NIM1K: variants seen among roughly 807,000 people sequenced by gnomAD.
The protein encoded by NIM1K is NIM1 serine/threonine protein kinase, also known as serine/threonine-protein kinase NIM1.
A neutral mutation model predicts 37.1 loss-of-function variants in NIM1K; 35 were observed. The observed-to-expected ratio is 0.94, with a 90% confidence interval of 0.72 to 1.25. The LOEUF is 1.25. NIM1K is among the 50% of genes most tolerant of loss of function. The pLI, the probability that NIM1K is intolerant of heterozygous loss-of-function variation, is 0.00. For missense variants in NIM1K, 564 were observed against 548.0 expected (o/e 1.03, Z -0.29); for synonymous variants, 234 against 206.6 (o/e 1.13, Z -1.14).
intron 1 of NIM1K, among the ~76,000 whole-genome samples, chr5:43,222,878 C>T (rs1019993292): frequency 4.5e-4 from 69 of 152,122 alleles, no homozygotes; most frequent in Non-Finnish European, 1.3e-4. Flanking sequence ...CAGTGGCTCA[C>T]GCCTGTAATC....
intron 3 of NIM1K, 102 bp downstream of exon 3, chr5:43,277,427 C>A: frequency 7.8e-7 from 1 of 1,277,360 alleles, no homozygotes; most frequent in South Asian, 1.4e-5. Context: ...GGGCTTTTGT[C>A]CTACAAAGCA....
Position 43,245,833 on chromosome 5 carries a change from G to T in NIM1K, c.58G>T (p.Asp20Tyr). Reference protein sequence around the residue: ...GLVNPHYARWDRRDSVESGCQ... With the variant: ...GLVNPHYARWYRRDSVESGCQ... ...GGTGAACCCCCACTATGCCCGGTGG[G>T]ATCGGCGCGACAGTGTAGAAAGTGG... The change falls in exon 2 of 4, where the codon GAT (aspartate) becomes TAT (tyrosine). Residue 20 changes from aspartate to tyrosine, a missense_variant. Coordinates refer to ENST00000326035, the MANE Select transcript of NIM1K (RefSeq NM_153361.4). 1 of 1,613,756 alleles carries T rather than the reference G, an allele frequency of 6.2e-7. No individual in the cohort carries two copies. Among genetic ancestry groups the T allele is most frequent in the Non-Finnish European group, 8.5e-7 (1 of 1,179,774 alleles).
At chr5:43,203,863 T>C (rs1752069104) in intron 1 of NIM1K, among the ~76,000 whole-genome samples, 1 of 151,712 alleles carries the variant, frequency 6.6e-6, no homozygotes, top group South Asian at 2.1e-4. Flanking sequence ...CCGTCTCTAC[T>C]AGAAATACAA....
chr5:43,220,781 A>G (rs1490969920), intron 1 of NIM1K, among the ~76,000 whole-genome samples: 1 of 152,150 alleles, frequency 6.6e-6, no homozygotes, highest in East Asian at 1.9e-4. Context: ...TGTTATGTGT[A>G]TTACATCTGT....
intron 1 of NIM1K, among the ~76,000 whole-genome samples, chr5:43,212,531 AC>A (rs1444729437): frequency 6.6e-6 from 1 of 152,070 alleles, no homozygotes; most frequent in Non-Finnish European, 1.5e-5. Context: ...TCCAGAAGCA[AC>A]CCTGGGGCTC....
intron 1 of NIM1K, among the ~76,000 whole-genome samples, chr5:43,230,120 A>T (rs1020895121): frequency 6.6e-6 from 1 of 152,216 alleles, no homozygotes; most frequent in Admixed American, 6.5e-5. Context: ...TCTTGCACAA[A>T]CATTGGGTTG....
intron 2 of NIM1K, among the ~76,000 whole-genome samples, chr5:43,261,723 T>C (rs1261663375): frequency 1.3e-5 from 2 of 152,192 alleles, no homozygotes; most frequent in Non-Finnish European, 2.9e-5. Context: ...GGTTTTCTTC[T>C]AGGGTTTTTA....
At chr5:43,247,933 G>C (rs1752808400) in intron 2 of NIM1K, among the ~76,000 whole-genome samples, 1 of 152,186 alleles carries the variant, frequency 6.6e-6, no homozygotes, top group South Asian at 2.1e-4. Context: ...GGGATATAAA[G>C]ATGAAATAGA....
At chr5:43,253,039 G>T (rs1752889002) in intron 2 of NIM1K, among the ~76,000 whole-genome samples, 1 of 147,246 alleles carries the variant, frequency 6.8e-6, no homozygotes, top group Non-Finnish European at 1.5e-5. Flanking sequence ...GTGCAGTGAT[G>T]CGATCAAAGC....
chr5:43,261,435 G>A (rs1489562033), intron 2 of NIM1K, among the ~76,000 whole-genome samples: 2 of 152,066 alleles, frequency 1.3e-5, no homozygotes, highest in Non-Finnish European at 2.9e-5. Flanking sequence ...TATATCCTTT[G>A]CCCACTTTTT....
chr5:43,210,757 T>A (rs992320619), intron 1 of NIM1K, among the ~76,000 whole-genome samples: 1 of 152,174 alleles, frequency 6.6e-6, no homozygotes, highest in Non-Finnish European at 1.5e-5. Context: ...AGCAGATTAA[T>A]AGGAGAAAAG....
intron 1 of NIM1K, among the ~76,000 whole-genome samples, chr5:43,230,761 C>T (rs994343317): frequency 6.6e-6 from 1 of 152,180 alleles, no homozygotes; most frequent in African/African-American, 2.4e-5. Flanking sequence ...GGATAACAAC[C>T]CCCATCACCG....
rs577569595 is a variant in NIM1K at position 43,237,660 on chromosome 5, G to A, written c.-694-7422G>A. Among the ~76,000 whole-genome samples, 5 of 152,218 alleles carry A rather than the reference G, an allele frequency of 3.3e-5. No homozygotes were observed. The East Asian group carries it at 9.6e-4, about 29-fold the overall frequency. ...GAGCAACCCCACAACCTGTGCTTCA[G>A]AACTCCTATTTCTAGATTTCTAAGG... On this transcript the variant is annotated intron_variant, in intron 1 of 3. Transcript: ENST00000326035.
intron 2 of NIM1K, among the ~76,000 whole-genome samples, chr5:43,271,765 A>T (rs1407561844): frequency 6.6e-6 from 1 of 152,226 alleles, no homozygotes; most frequent in Admixed American, 6.5e-5. Context: ...CAGTAAAGAT[A>T]CAGGACAAGT....
In NIM1K at chr5:43,216,514, A is replaced by G. The variant is rs538974661; in HGVS notation, c.-695+24103A>G. 1.1e-3 allele frequency among the ~76,000 whole-genome samples: 162 copies of G among 152,340 alleles called. 2 individuals are homozygous for G. The highest frequency in any genetic ancestry group is 3.8e-3 in the African/African-American group (160 of 41,582). On this transcript the variant is annotated intron_variant, in intron 1 of 3. Coordinates refer to ENST00000326035, the MANE Select transcript of NIM1K (RefSeq NM_153361.4). Reference sequence around the variant, plus strand: ...AGCTTGAGTAAAAAGATACAGAAATATTGGCACTTAGTGCATGAAGGCTTT... The same window carrying G: ...AGCTTGAGTAAAAAGATACAGAAATGTTGGCACTTAGTGCATGAAGGCTTT...
intron 1 of NIM1K, among the ~76,000 whole-genome samples, chr5:43,216,464 G>A (rs963104411): frequency 6.6e-6 from 1 of 152,172 alleles, no homozygotes; most frequent in African/African-American, 2.4e-5. Flanking sequence ...ATATCTTTTG[G>A]TAGTGCAATA....
At chr5:43,275,757 T>C (rs558948727) in intron 2 of NIM1K, among the ~76,000 whole-genome samples, 1 of 152,262 alleles carries the variant, frequency 6.6e-6, no homozygotes, top group African/African-American at 2.4e-5. Context: ...CTGAACATCA[T>C]GTTCATCCTA....
rs182346925 is a variant in NIM1K at position 43,271,342 on chromosome 5, C to G, written c.293-5715C>G. On this transcript the variant is annotated intron_variant, in intron 2 of 3. Coordinates refer to ENST00000326035, the MANE Select transcript of NIM1K (RefSeq NM_153361.4). The stretch of plus-strand genomic sequence containing the variant: ...GTCATCTCTGAGGGTGCATATACCC[C>G]CAGAGAATGCCCAAGATGATTCACT... Among the ~76,000 whole-genome samples, 80 of 151,964 alleles carry G rather than the reference C, an allele frequency of 5.3e-4. 3 individuals carry two copies. The East Asian group carries it at 0.013, about 24-fold the overall frequency.
rs147250176 is a variant in NIM1K, at chr5:43,245,203, G to C, written c.-573G>C. 6.6e-6 allele frequency: 1 copy of C among 152,244 alleles called. No homozygotes were observed. Among genetic ancestry groups the C allele is most frequent in the African/African-American group, 2.4e-5 (1 of 41,450 alleles). The allele number at this position is 152,244 out of a possible 1,614,324, so 9.4% of individuals were successfully genotyped here. ...CTTTGGCTGCCTGTGTGACCAGAAG[G>C]CTTATTTGCAAGTTTCTTCTTTCCT... On this transcript the variant is annotated 5_prime_UTR_variant, in exon 2 of 4. Coordinates refer to ENST00000326035, the MANE Select transcript of NIM1K (RefSeq NM_153361.4).
Sources: allele counts gnomAD v4.1 joint callset (sites outside exome capture counted in the v4.1 genomes callset), GRCh38; gene constraint gnomAD v4.1.1; transcripts MANE v1.5; gene names NCBI Gene and HGNC (gene_info 2026-07-23, HGNC 2026-07-21).